EPHA6: variants seen among roughly 807,000 people sequenced by gnomAD.
The protein encoded by EPHA6 is EPH receptor A6.
EPHA6 carries 50 observed loss-of-function variants against 112.0 expected under a neutral mutation model. The ratio of observed to expected loss-of-function variants is 0.45; its 90% CI spans 0.36 to 0.56. The LOEUF is 0.56. Ranked by LOEUF, EPHA6 falls within the 20% of genes least tolerant of loss-of-function variation. The pLI is 0.00. For synonymous variants in EPHA6, 529 were observed against 490.7 expected (o/e 1.08, Z -1.03); for missense variants, 1,280 against 1,417.4 (o/e 0.90, Z 1.56).
chr3:97,668,452 A>T (rs942464521), intron 14 of EPHA6, among the ~76,000 whole-genome samples: 1 of 152,080 alleles, frequency 6.6e-6, no homozygotes, highest in Non-Finnish European at 1.5e-5. Context: ...TTATTTGGGG[A>T]TCAGGATCCC....
chr3:97,010,128 G>A (rs554647707), intron 3 of EPHA6: 2 of 1,236,548 alleles, frequency 1.6e-6, no homozygotes, highest in South Asian at 2.7e-5. Context: ...TACATTTACA[G>A]CCAAAATTTG....
chr3:97,332,314 A>G (rs2082840961), intron 5 of EPHA6, among the ~76,000 whole-genome samples: 1 of 152,100 alleles, frequency 6.6e-6, no homozygotes, highest in Admixed American at 6.6e-5. Flanking sequence ...CTGAATGGGC[A>G]AAAACTGGAA....
intron 5 of EPHA6, among the ~76,000 whole-genome samples, chr3:97,364,479 AAC>A (rs1281181632): frequency 6.6e-6 from 1 of 152,026 alleles, no homozygotes; most frequent in Non-Finnish European, 1.5e-5. Context: ...TTCTTTATGT[AAC>A]ACAGTTCCTT....
intron 7 of EPHA6, among the ~76,000 whole-genome samples, chr3:97,474,133 T>C (rs1157501416): frequency 1.3e-5 from 2 of 151,860 alleles, no homozygotes; most frequent in African/African-American, 4.8e-5. Context: ...TTACTCTGGA[T>C]ATGAATTTGC....
intron 3 of EPHA6, among the ~76,000 whole-genome samples, chr3:97,063,424 C>T (rs1369548289): frequency 6.6e-6 from 1 of 152,150 alleles, no homozygotes; most frequent in African/African-American, 2.4e-5. Context: ...AGCTGGAATC[C>T]ATTATCCCCA....
chr3:97,406,653 T>C (rs73851238), intron 6 of EPHA6, among the ~76,000 whole-genome samples: 97 of 152,306 alleles, frequency 6.4e-4, no homozygotes, highest in African/African-American at 2.2e-3. Flanking sequence ...AGAGGTAACT[T>C]AGTAGCATAG....
intron 3 of EPHA6, among the ~76,000 whole-genome samples, chr3:96,994,759 A>AGAGAGAGCGAGCGAGC (rs763682996): frequency 1.7e-5 from 2 of 116,214 alleles, no homozygotes; most frequent in African/African-American, 7.1e-5. Flanking sequence ...AGAGAGAGAG[A>AGAGAGAGCGAGCGAGC]GAGCTATATA....
At chr3:97,329,792 C>T (rs1273049006) in intron 5 of EPHA6, among the ~76,000 whole-genome samples, 5 of 152,058 alleles carry the variant, frequency 3.3e-5, no homozygotes, top group Non-Finnish European at 7.4e-5. Flanking sequence ...ATGGTGGTTT[C>T]TTTTGCTGTG....
intron 5 of EPHA6, among the ~76,000 whole-genome samples, chr3:97,275,877 G>A (rs57067660): frequency 0.21 from 32,131 of 151,768 alleles, 8,515 homozygotes; most frequent in African/African-American, 0.61. Flanking sequence ...GAACTGGGGG[G>A]AAAGGTGGCA....
intron 14 of EPHA6, among the ~76,000 whole-genome samples, chr3:97,638,531 A>T (rs1337110800): frequency 1.3e-5 from 2 of 152,202 alleles, no homozygotes; most frequent in Non-Finnish European, 2.9e-5. Flanking sequence ...ATAAAGAACA[A>T]TATGGGTTTC....
intron 3 of EPHA6, among the ~76,000 whole-genome samples, chr3:97,035,083 T>G (rs983581878): frequency 3.3e-5 from 5 of 151,992 alleles, no homozygotes; most frequent in Non-Finnish European, 5.9e-5. Flanking sequence ...AATTAAGATT[T>G]TTTAGAGTTT....
chr3:97,743,989 A>T (rs1484019895), intron 16 of EPHA6, among the ~76,000 whole-genome samples: 2 of 152,052 alleles, frequency 1.3e-5, no homozygotes, highest in African/African-American at 4.8e-5. Context: ...TCATTAGAGT[A>T]AAAACTTCTG....
intron 11 of EPHA6, among the ~76,000 whole-genome samples, chr3:97,538,977 CTCTCTCTTTCTTTCTT>C (rs1223182411): frequency 8.0e-5 from 11 of 138,100 alleles, no homozygotes; most frequent in African/African-American, 3.1e-4. Context: ...TGGACACTTT[CTCTCTCTTTCTTTCTT>C]TCTTTCTTTC....
At chr3:97,211,544 G>A (rs1325479638) in intron 3 of EPHA6, among the ~76,000 whole-genome samples, 2 of 152,122 alleles carry the variant, frequency 1.3e-5, no homozygotes, top group Admixed American at 1.3e-4. Context: ...ATTTGCAGAT[G>A]GCTATCTTCT....
At chr3:97,295,086 T>C (rs992609048) in intron 5 of EPHA6, among the ~76,000 whole-genome samples, 3 of 152,164 alleles carry the variant, frequency 2.0e-5, no homozygotes, top group Non-Finnish European at 2.9e-5. Flanking sequence ...TATTTGGGGA[T>C]CTCTGAGTTT....
At chr3:97,561,829 G>A (rs184589538) in intron 11 of EPHA6, among the ~76,000 whole-genome samples, 3 of 152,200 alleles carry the variant, frequency 2.0e-5, no homozygotes, top group African/African-American at 7.2e-5. Flanking sequence ...TTCTGTAGGG[G>A]CTAATGCAGC....
chr3:97,317,663 T>G (rs1250105375), intron 5 of EPHA6, among the ~76,000 whole-genome samples: 1 of 152,014 alleles, frequency 6.6e-6, no homozygotes, highest in Non-Finnish European at 1.5e-5. Flanking sequence ...TGAAACTAAA[T>G]TCTATAATGA....
chr3:97,759,768 T>C lies in EPHA6; in HGVS notation c.*11067T>C, dbSNP rs2036113314. 3 of 226,008 alleles carry C rather than the reference T, an allele frequency of 1.3e-5. No homozygotes were observed. The East Asian group carries it at 1.9e-4, about 14-fold the overall frequency. 14.0% of individuals were successfully genotyped at this position (226,008 alleles called of 1,614,324 possible). A position where few individuals can be genotyped will look rare whatever the true frequency, so the allele number is the denominator to read the frequency against. ...CAATATGCAGGATGGGAAGGACGTATAGGTTGGAAGAGACATATGTAAGTA... is the reference window on the plus strand; with the variant it reads ...CAATATGCAGGATGGGAAGGACGTACAGGTTGGAAGAGACATATGTAAGTA... On this transcript the variant is annotated 3_prime_UTR_variant, in exon 18 of 18. Coordinates refer to ENST00000389672, the MANE Select transcript of EPHA6 (RefSeq NM_001080448.3).
intron 6 of EPHA6, among the ~76,000 whole-genome samples, chr3:97,413,347 T>C (rs2087869978): frequency 6.6e-6 from 1 of 151,714 alleles, no homozygotes; most frequent in South Asian, 2.1e-4. Flanking sequence ...CTGAGTTTTT[T>C]CCAAAGGGGG....
Sources: allele counts gnomAD v4.1 joint callset (sites outside exome capture counted in the v4.1 genomes callset), GRCh38; gene constraint gnomAD v4.1.1; transcripts MANE v1.5; gene names NCBI Gene and HGNC (gene_info 2026-07-23, HGNC 2026-07-21).